Variants in EIF4EBP2 observed in about 807,000 individuals in gnomAD.
The protein encoded by EIF4EBP2 is eukaryotic translation initiation factor 4E-binding protein 2.
EIF4EBP2 carries 5 observed loss-of-function variants against 10.3 expected under a neutral mutation model. The ratio of observed to expected loss-of-function variants is 0.48; its 90% confidence interval spans 0.25 to 1.02. The LOEUF (loss-of-function observed/expected upper bound fraction) is 1.02, where lower values mean the gene tolerates loss of function less well. Ranked by LOEUF, EIF4EBP2 falls within the 50% of genes least tolerant of loss-of-function variation. EIF4EBP2 has a pLI of 0.15. For synonymous variants in EIF4EBP2, 67 were observed against 61.1 expected (o/e 1.10, Z -0.45); for missense variants, 188 against 162.2 (o/e 1.16, Z -0.86).
At position 70,420,303 on chromosome 10, in the gene EIF4EBP2, G is replaced by A. The variant is rs573256970; in HGVS notation, c.331+204G>A. 7.2e-5 allele frequency among the ~76,000 whole-genome samples: 11 copies of A among 152,214 alleles called. No homozygotes were observed. The East Asian group carries it at 9.7e-4, about 13-fold the overall frequency. The stretch of plus-strand genomic sequence containing the variant: ...CAACCTCCGCCTCCTGGGTTCAAGC[G>A]TTTCTCCTGCCTCAGCCTCCCGAGT... On this transcript the variant is annotated intron_variant, in intron 2 of 2. Transcript: ENST00000373218.
chr10:70,406,099 A>G (rs963261967), intron 1 of EIF4EBP2, among the ~76,000 whole-genome samples: 9 of 152,082 alleles, frequency 5.9e-5, no homozygotes, highest in African/African-American at 1.9e-4. Context: ...CTCCCACCTC[A>G]GCCTCCTGAG....
chr10:70,416,666 T>A (rs1265538274), intron 1 of EIF4EBP2, among the ~76,000 whole-genome samples: 2 of 1,518 alleles, frequency 1.3e-3, no homozygotes, highest in Non-Finnish European at 5.1e-3. Context: ...AATTTTTTAA[T>A]TTTTTTTTTT....
chr10:70,415,663 A>G (rs1315379780), intron 1 of EIF4EBP2, among the ~76,000 whole-genome samples: 3 of 152,224 alleles, frequency 2.0e-5, no homozygotes, highest in East Asian at 1.9e-4. Context: ...TGCCAAGACA[A>G]TTCTGTGGAA....
chr10:70,408,519 G>A (rs1229573712), intron 1 of EIF4EBP2, among the ~76,000 whole-genome samples: 2 of 152,302 alleles, frequency 1.3e-5, no homozygotes, highest in East Asian at 3.9e-4. Context: ...TACTGTTTAG[G>A]TGTTCTTTAC....
At position 70,404,251 on chromosome 10, in the gene EIF4EBP2, C is replaced by T. The variant is rs868674604; in HGVS notation, c.-151C>T. 1.1e-5 allele frequency: 11 copies of T among 991,534 alleles called. No individual in the cohort carries two copies. The highest frequency in any genetic ancestry group is 1.5e-5 in the Non-Finnish European group (11 of 737,614). The allele number at this position is 991,534 out of a possible 1,614,324, so 61.4% of individuals were successfully genotyped here. A position where few individuals can be genotyped will look rare whatever the true frequency, so the allele number is the denominator to read the frequency against. On this transcript the variant is annotated 5_prime_UTR_variant, in exon 1 of 3. Coordinates refer to ENST00000373218, the MANE Select transcript of EIF4EBP2 (RefSeq NM_004096.5). ...GCGGCGGCGGCGGCTGAGAGGGCGGCGGCGGGAGCGGAGCGGGACGAGGGA... is the reference window on the plus strand; with the variant it reads ...GCGGCGGCGGCGGCTGAGAGGGCGGTGGCGGGAGCGGAGCGGGACGAGGGA...
rs561834366 is a variant in EIF4EBP2, at chr10:70,404,178, T to C, written c.-224T>C. Among the ~76,000 whole-genome samples, 2 of 152,334 alleles carry C rather than the reference T, an allele frequency of 1.3e-5. No individual in the cohort carries two copies. The highest frequency in any genetic ancestry group is 2.1e-4 in the South Asian group (1 of 4,832). ...TCGTCGTCGTCGCCGCTGCTGCCGC[T>C]GCTGTTGCTCCTGAGGCTGCTGGCT... On this transcript the variant is annotated 5_prime_UTR_variant, in exon 1 of 3. Coordinates refer to ENST00000373218, the MANE Select transcript of EIF4EBP2 (RefSeq NM_004096.5).
At chr10:70,408,638 A>G (rs1190483629) in intron 1 of EIF4EBP2, among the ~76,000 whole-genome samples, 1 of 152,104 alleles carries the variant, frequency 6.6e-6, no homozygotes, top group Admixed American at 6.5e-5. Flanking sequence ...ATAGTTTGTT[A>G]TCTGGCCACC....
Position 70,428,396 on chromosome 10 carries a change from T to C in EIF4EBP2, c.*6649T>C, listed in dbSNP as rs189503483. 14 of 152,324 alleles carry C rather than the reference T, an allele frequency of 9.2e-5. No homozygotes were observed. The allele number at this position is 152,324 out of a possible 1,614,324, so 9.4% of individuals were successfully genotyped here. On this transcript the variant is annotated 3_prime_UTR_variant, in exon 3 of 3. Coordinates refer to ENST00000373218, the MANE Select transcript of EIF4EBP2 (RefSeq NM_004096.5). ...TCCTTGGTCTTCCCTTTGTCTCCCA[T>C]GATGTGTTGTTCCCTCATCCCTCCC... is the stretch of plus-strand genomic sequence containing the variant.
At chr10:70,418,468 G>A (rs1845120734) in intron 1 of EIF4EBP2, among the ~76,000 whole-genome samples, 1 of 152,160 alleles carries the variant, frequency 6.6e-6, no homozygotes, top group Admixed American at 6.5e-5. Flanking sequence ...TTGACCATCC[G>A]AACTCTGTAT....
At chr10:70,418,674 T>A (rs1323232653) in intron 1 of EIF4EBP2, among the ~76,000 whole-genome samples, 1 of 152,228 alleles carries the variant, frequency 6.6e-6, no homozygotes, top group African/African-American at 2.4e-5. Flanking sequence ...TGTTTACCCT[T>A]TGAAAGTTGA....
chr10:70,414,696 C>T (rs903919192), intron 1 of EIF4EBP2, among the ~76,000 whole-genome samples: 1 of 152,034 alleles, frequency 6.6e-6, no homozygotes, highest in African/African-American at 2.4e-5. Flanking sequence ...GGTGAAACCC[C>T]ATCTCTACTA....
Position 70,410,943 on chromosome 10 carries a change from C to T in EIF4EBP2, c.145+6397C>T, listed in dbSNP as rs184789323. On this transcript the variant is annotated intron_variant, in intron 1 of 2. Coordinates refer to ENST00000373218, the MANE Select transcript of EIF4EBP2 (RefSeq NM_004096.5). ...TAGGCTTGAAGGATACCTTCCTCCT[C>T]GTGGTCCCTGCTGCCCTAGCAGTGT... Among the ~76,000 whole-genome samples, 6 of 152,272 alleles carry T rather than the reference C, an allele frequency of 3.9e-5. No homozygotes were observed. In the South Asian group the frequency reaches 6.2e-4, roughly 16 times the overall value.
chr10:70,416,367 T>G (rs1845094703), intron 1 of EIF4EBP2, among the ~76,000 whole-genome samples: 1 of 151,876 alleles, frequency 6.6e-6, no homozygotes, highest in African/African-American at 2.4e-5. Flanking sequence ...GATCACGAGG[T>G]CAAGAGATCG....
intron 1 of EIF4EBP2, among the ~76,000 whole-genome samples, chr10:70,414,949 G>T (rs1223033591): frequency 6.6e-6 from 1 of 151,946 alleles, no homozygotes; most frequent in South Asian, 2.1e-4. Flanking sequence ...TTGAGCCCAG[G>T]AGTTCAAGAC....
In EIF4EBP2 at chr10:70,424,757, A is replaced by G. The variant is rs1335561397; in HGVS notation, c.*3010A>G. ...CTTCAAATTCCAACAGCAGACATGC[A>G]TTGTCATGATTCTGTCTTCTTTTTA... On this transcript the variant is annotated 3_prime_UTR_variant, in exon 3 of 3. Coordinates refer to ENST00000373218, the MANE Select transcript of EIF4EBP2 (RefSeq NM_004096.5). The G allele has an allele frequency of 2.6e-5, 4 of 152,236 alleles. No homozygotes were observed. The highest frequency in any genetic ancestry group is 1.3e-4 in the Admixed American group (2 of 15,288). The allele number at this position is 152,236 out of a possible 1,614,324, so 9.4% of individuals were successfully genotyped here.
intron 1 of EIF4EBP2, among the ~76,000 whole-genome samples, chr10:70,406,602 C>T (rs1844966260): frequency 6.6e-6 from 1 of 152,188 alleles, no homozygotes; most frequent in Non-Finnish European, 1.5e-5. Context: ...AGCTACCATA[C>T]TTTTAAAAAT....
Position 70,426,779 on chromosome 10 carries a change from T to G in EIF4EBP2, c.*5032T>G, listed in dbSNP as rs1431700349. ...TTTGTTTTTCTTTCTTATTTTGAGGTGGATTGGTCTTCTCTTTTTTTGGGT... is the reference window on the plus strand; with the variant it reads ...TTTGTTTTTCTTTCTTATTTTGAGGGGGATTGGTCTTCTCTTTTTTTGGGT... On this transcript the variant is annotated 3_prime_UTR_variant, in exon 3 of 3. Coordinates refer to ENST00000373218, the MANE Select transcript of EIF4EBP2 (RefSeq NM_004096.5). The G allele has an allele frequency of 6.6e-6, 1 of 152,234 alleles. No individual in the cohort carries two copies. Among genetic ancestry groups the G allele is most frequent in the Non-Finnish European group, 1.5e-5 (1 of 68,042 alleles). The allele number at this position is 152,234 out of a possible 1,614,324, so 9.4% of individuals were successfully genotyped here. A position where few individuals can be genotyped will look rare whatever the true frequency, so the allele number is the denominator to read the frequency against.
At chr10:70,416,363 G>A (rs957178494) in intron 1 of EIF4EBP2, among the ~76,000 whole-genome samples, 12 of 152,074 alleles carry the variant, frequency 7.9e-5, no homozygotes, top group African/African-American at 2.7e-4. Context: ...GGCAGATCAC[G>A]AGGTCAAGAG....
chr10:70,416,474 G>C (rs1274272019), intron 1 of EIF4EBP2, among the ~76,000 whole-genome samples: 1 of 151,152 alleles, frequency 6.6e-6, no homozygotes, highest in Non-Finnish European at 1.5e-5. Context: ...AGGTACTTGG[G>C]AGGCTGAGGC....
Sources: allele counts gnomAD v4.1 joint callset (sites outside exome capture counted in the v4.1 genomes callset), GRCh38; gene constraint gnomAD v4.1.1; transcripts MANE v1.5; gene names NCBI Gene and HGNC (gene_info 2026-07-23, HGNC 2026-07-21).